Variants in CNTN5 observed in about 807,000 individuals in gnomAD.
CNTN5 encodes the protein contactin-5.
Under a neutral mutation model 129.1 loss-of-function variants are expected in CNTN5, and 77 were observed. The observed-to-expected ratio is 0.60, with a 90% CI of 0.50 to 0.72. CNTN5 has a LOEUF of 0.72. Among genes scored for constraint, CNTN5 ranks in the 30% least tolerant of loss-of-function variants. The pLI, the probability that CNTN5 is intolerant of heterozygous loss-of-function variation, is 0.00. For synonymous variants in CNTN5, 509 were observed against 465.6 expected, an observed-to-expected ratio of 1.09 and a Z score of -1.20; for missense variants, 1,478 against 1,328.8, an observed-to-expected ratio of 1.11 and a Z score of -1.75.
chr11:99,981,077 G>GATAGATATATATATATAT (rs1938302649), intron 8 of CNTN5, among the ~76,000 whole-genome samples: 1 of 57,588 alleles, frequency 1.7e-5, no homozygotes, highest in African/African-American at 6.0e-5. Flanking sequence ...GAGCCAATAG[G>GATAGATATATATATATAT]ATATATATAT....
intron 9 of CNTN5, among the ~76,000 whole-genome samples, chr11:100,018,760 A>G (rs1940965717): frequency 6.6e-6 from 1 of 151,996 alleles, no homozygotes; most frequent in Non-Finnish European, 1.5e-5. Context: ...AATTTTTCAA[A>G]GTAGTTGTAC....
intron 1 of CNTN5, among the ~76,000 whole-genome samples, chr11:99,099,163 C>T (rs1357240244): frequency 6.6e-6 from 1 of 152,062 alleles, no homozygotes; most frequent in Non-Finnish European, 1.5e-5. Context: ...CCAGATAAAT[C>T]AAAAGGAGTT....
intron 1 of CNTN5, among the ~76,000 whole-genome samples, chr11:99,199,417 A>G (rs1859057595): frequency 6.6e-6 from 1 of 152,210 alleles, no homozygotes; most frequent in Non-Finnish European, 1.5e-5. Flanking sequence ...TAGCTTATAT[A>G]TCAGTTACTG....
intron 1 of CNTN5, among the ~76,000 whole-genome samples, chr11:99,279,155 A>G (rs925834109): frequency 6.6e-6 from 1 of 151,828 alleles, no homozygotes; most frequent in Non-Finnish European, 1.5e-5. Context: ...CATTTCGGTT[A>G]TATTTAATCT....
chr11:99,280,977 CAT>C (rs1863669676), intron 1 of CNTN5, among the ~76,000 whole-genome samples: 1 of 151,388 alleles, frequency 6.6e-6, no homozygotes, highest in Non-Finnish European at 1.5e-5. Context: ...AAAAAAATCA[CAT>C]AAAATTTCTA....
intron 7 of CNTN5, among the ~76,000 whole-genome samples, chr11:99,922,826 C>T (rs942647893): frequency 3.9e-5 from 6 of 152,150 alleles, no homozygotes; most frequent in Non-Finnish European, 7.4e-5. Context: ...GTTCATTAAA[C>T]GCATGTTAAA....
In CNTN5 at chr11:100,356,146, C is replaced by A. The variant is rs1190108510; in HGVS notation, c.3229C>A (p.Leu1077Ile). 6.2e-7 allele frequency: 1 copy of A among 1,610,372 alleles called. No individual in the cohort carries two copies. The highest frequency in any genetic ancestry group is 1.1e-5 in the South Asian group (1 of 90,606). ...AAAAATCACAAGTGCACAGTCGACC[C>A]TTCACTCTCTCTCCACATCTTCGTC... The part of the protein sequence containing the change: ...GGKITSAQST[L>I]HSLSTSSSSV... The change falls in exon 25 of 25, where the codon CTT becomes ATT. Residue 1077 changes from leucine to isoleucine, a missense_variant. Transcript: ENST00000524871.
intron 1 of CNTN5, among the ~76,000 whole-genome samples, chr11:99,173,406 G>A (rs1454689748): frequency 6.6e-6 from 1 of 152,154 alleles, no homozygotes; most frequent in Non-Finnish European, 1.5e-5. Context: ...AAAAGAGAAA[G>A]AAGACATAAT....
chr11:100,061,838 C>A (rs1395604077), intron 10 of CNTN5, among the ~76,000 whole-genome samples: 1 of 152,102 alleles, frequency 6.6e-6, no homozygotes, highest in African/African-American at 2.4e-5. Flanking sequence ...TCAGTTTTTG[C>A]CTGGCAATGG....
intron 2 of CNTN5, among the ~76,000 whole-genome samples, chr11:99,399,350 G>A (rs535443420): frequency 2.0e-4 from 31 of 151,550 alleles, no homozygotes; most frequent in East Asian, 5.8e-4. Context: ...CTTGTTATTC[G>A]ATAAAAGGGA....
chr11:99,291,878 C>T (rs753809711), intron 1 of CNTN5, among the ~76,000 whole-genome samples: 2 of 151,906 alleles, frequency 1.3e-5, no homozygotes, highest in African/African-American at 4.8e-5. Context: ...GAAAAAAAAG[C>T]AGGTGAGAAG....
chr11:99,386,113 A>C (rs1287638930), intron 2 of CNTN5, among the ~76,000 whole-genome samples: 1 of 152,144 alleles, frequency 6.6e-6, no homozygotes, highest in Non-Finnish European at 1.5e-5. Flanking sequence ...TTCCATGGAG[A>C]AGGAGTTAGG....
intron 8 of CNTN5, among the ~76,000 whole-genome samples, chr11:99,996,634 T>C (rs562838119): frequency 6.6e-6 from 1 of 152,310 alleles, no homozygotes; most frequent in Admixed American, 6.5e-5. Context: ...TATGCATGTA[T>C]TAGTCTGTTT....
At chr11:100,077,760 T>C (rs1182337820) in intron 13 of CNTN5, among the ~76,000 whole-genome samples, 10 of 151,944 alleles carry the variant, frequency 6.6e-5, no homozygotes, top group Non-Finnish European at 1.3e-4. Flanking sequence ...GGAGGATGGG[T>C]TGAGCCTGGG....
At chr11:99,875,777 A>C (rs1369342955) in intron 6 of CNTN5, among the ~76,000 whole-genome samples, 1 of 152,206 alleles carries the variant, frequency 6.6e-6, no homozygotes, top group Non-Finnish European at 1.5e-5. Flanking sequence ...CATAATAGAC[A>C]ATACACATTT....
intron 2 of CNTN5, among the ~76,000 whole-genome samples, chr11:99,438,328 T>G (rs2135135567): frequency 6.6e-6 from 1 of 152,312 alleles, no homozygotes; most frequent in South Asian, 2.1e-4. Context: ...ACTATTCGTC[T>G]TATCTCTATT....
At chr11:99,139,096 T>TCC (rs1859383061) in intron 1 of CNTN5, among the ~76,000 whole-genome samples, 1 of 50,084 alleles carries the variant, frequency 2.0e-5, no homozygotes, top group African/African-American at 7.4e-5. Flanking sequence ...CTCTACCCCC[T>TCC]CCCCACCCCC....
chr11:99,576,323 A>G (rs557363156), intron 3 of CNTN5, among the ~76,000 whole-genome samples: 2 of 152,298 alleles, frequency 1.3e-5, no homozygotes, highest in South Asian at 2.1e-4. Flanking sequence ...AACCTCATCT[A>G]TGGCAGAGAA....
At chr11:99,999,807 C>G (rs12222218) in intron 8 of CNTN5, among the ~76,000 whole-genome samples, 10,546 of 152,066 alleles carry the variant, frequency 0.069, 770 homozygotes, top group East Asian at 0.31. Flanking sequence ...CACATATACA[C>G]CATGGAATAC....
Sources: gnomAD v4.1 joint callset for allele counts (sites outside exome capture counted in the v4.1 genomes callset) on GRCh38, gnomAD v4.1.1 for gene constraint, MANE v1.5 for transcripts, NCBI Gene and HGNC (gene_info 2026-07-23, HGNC 2026-07-21) for gene names.